POLR3C: variants seen among roughly 807,000 people sequenced by gnomAD.
POLR3C encodes DNA-directed RNA polymerase III subunit RPC3.
In POLR3C, 44 loss-of-function variants were observed where a neutral mutation model predicts 65.9. The observed-to-expected ratio is 0.67, with a 90% CI of 0.52 to 0.86. The LOEUF (loss-of-function observed/expected upper bound fraction) is 0.86. Among genes scored for constraint, POLR3C ranks in the 40% least tolerant of loss-of-function variants. The pLI, the probability that POLR3C is intolerant of heterozygous loss-of-function variation, is 0.00. For synonymous variants in POLR3C, 263 were observed against 231.6 expected (o/e 1.14, Z -1.23); for missense variants, 576 against 653.2 (o/e 0.88, Z 1.29).
At chr1:145,837,167 C>A (rs12143555) in intron 9 of POLR3C, among the ~76,000 whole-genome samples, 129,218 of 152,044 alleles carry the variant, frequency 0.85, 55,299 homozygotes, top group African/African-American at 0.95. Context: ...AACTAGCCAG[C>A]TGTAACGATG....
rs587679518 is a variant in POLR3C, at chr1:145,833,650, A to G, written c.876+68A>G. On this transcript the variant is annotated intron_variant, in intron 7 of 14. Transcript: ENST00000334163. ...GGTGTTATCAACGTTTATTATACAC[A>G]GATCCTGAGTTTGGGTTGAGGTCTG... The G allele has an allele frequency of 1.3e-5, 14 of 1,046,118 alleles. No homozygotes were observed. The South Asian group carries it at 1.5e-4, about 11-fold the overall frequency. 64.8% of individuals were successfully genotyped at this position (1,046,118 alleles called of 1,614,324 possible). A position where few individuals can be genotyped will look rare whatever the true frequency, so the allele number is the denominator to read the frequency against.
rs113067924 is a variant in POLR3C at position 145,837,846 on chromosome 1, A to G, written c.1071-210A>G. ...CAAATGTAGGAACTGTGGCACTCAAATGAGTCAGCAGTTGGTGACTGCCTT... is the reference window on the plus strand; with the variant it reads ...CAAATGTAGGAACTGTGGCACTCAAGTGAGTCAGCAGTTGGTGACTGCCTT... On this transcript the variant is annotated intron_variant, in intron 10 of 14. Coordinates refer to ENST00000334163, the MANE Select transcript of POLR3C (RefSeq NM_006468.8). 8.8e-3 allele frequency among the ~76,000 whole-genome samples: 1,333 copies of G among 152,298 alleles called. 20 individuals are homozygous for G. Among genetic ancestry groups the G allele is most frequent in the African/African-American group, 0.031 (1,271 of 41,572 alleles).
chr1:145,826,875 C>T lies in POLR3C; in HGVS notation c.459C>T (p.Asp153=). 6.2e-7 allele frequency: 1 copy of T among 1,612,908 alleles called. No individual in the cohort carries two copies. The highest frequency in any genetic ancestry group is 8.5e-7 in the Non-Finnish European group (1 of 1,179,536). ...EVSNTFVRLA[D]THFVQRCPSV... ...CAAACACATTTGTGCGACTGGCAGACACACACTTTGTACAACGCTGCCCTT... is the reference window on the plus strand; with the variant it reads ...CAAACACATTTGTGCGACTGGCAGATACACACTTTGTACAACGCTGCCCTT... Residue 153 remains aspartate, a synonymous_variant, in exon 4 of 15, where the codon GAC becomes GAT. Transcript: ENST00000334163.
intron 7 of POLR3C, among the ~76,000 whole-genome samples, chr1:145,836,119 CTT>C (rs77530377): frequency 1.1e-4 from 14 of 133,168 alleles, no homozygotes; most frequent in South Asian, 2.4e-4. Context: ...AAAATTAAAA[CTT>C]TTTTTTTTTT....
intron 7 of POLR3C, among the ~76,000 whole-genome samples, chr1:145,836,030 T>G (rs962876259): frequency 4.6e-5 from 7 of 152,278 alleles, no homozygotes; most frequent in Middle Eastern, 3.4e-3. Context: ...TACTCGGTAC[T>G]GGTCATTTGG....
intron 7 of POLR3C, among the ~76,000 whole-genome samples, chr1:145,834,970 G>A (rs1339250022): frequency 4.8e-5 from 7 of 146,254 alleles, no homozygotes; most frequent in Non-Finnish European, 3.1e-5. Context: ...CAAGACCCCC[G>A]TCTCTACAAA....
chr1:145,830,125 T>C (rs1553726771), intron 5 of POLR3C, among the ~76,000 whole-genome samples: 1 of 152,080 alleles, frequency 6.6e-6, no homozygotes, highest in African/African-American at 2.4e-5. Flanking sequence ...AGTCCAGTTA[T>C]ACTTACGTGC....
At chr1:145,824,417 A>AGACCACGTCC in intron 1 of POLR3C, 48 bp downstream of exon 1, 1 of 556,056 alleles carries the variant, frequency 1.8e-6, no homozygotes, top group Admixed American at 2.4e-5. Flanking sequence ...CTGGACCAAG[A>AGACCACGTCC]GACCACGTCC....
At chr1:145,827,281 T>C (rs916189346) in intron 4 of POLR3C, among the ~76,000 whole-genome samples, 2 of 152,194 alleles carry the variant, frequency 1.3e-5, no homozygotes, top group South Asian at 4.1e-4. Context: ...GAGACATGCA[T>C]TAATCAGAAA....
Position 145,826,948 on chromosome 1 carries a change from C to T in POLR3C, c.532C>T (p.Pro178Ser), listed in dbSNP as rs1650806918. Residue 178 changes from proline (P) to serine (S), a missense_variant, in exon 4 of 15, where the codon CCC (proline) becomes TCC (serine). Transcript: ENST00000334163. ...AGACCCTGGGCCACCACCACCTGCC[C>T]CCACACTTGTCATTAATGAAAAGGA... ...NSDPGPPPPA[P>S]TLVINEKDMY... The T allele has an allele frequency of 1.9e-6, 3 of 1,613,248 alleles. No homozygotes were observed. Among genetic ancestry groups the T allele is most frequent in the Non-Finnish European group, 1.7e-6 (2 of 1,179,814 alleles).
intron 7 of POLR3C, among the ~76,000 whole-genome samples, chr1:145,833,947 A>G (rs1651562744): frequency 6.6e-6 from 1 of 152,214 alleles, no homozygotes; most frequent in Non-Finnish European, 1.5e-5. Context: ...TATTACTTTC[A>G]TAGTAATACA....
chr1:145,842,502 G>T lies in POLR3C; in HGVS notation c.*82G>T. On this transcript the variant is annotated 3_prime_UTR_variant, in exon 15 of 15. Coordinates refer to ENST00000334163, the MANE Select transcript of POLR3C (RefSeq NM_006468.8). ...GGTGCCTGGATGCATTATTTGCAGT[G>T]GGATAAGTCGCAGAGTCTTCAACTA... 1.1e-6 allele frequency: 1 copy of T among 919,452 alleles called. No individual in the cohort carries two copies. Among genetic ancestry groups the T allele is most frequent in the South Asian group, 1.3e-5 (1 of 76,892 alleles). The allele number at this position is 919,452 out of a possible 1,614,324, so 57.0% of individuals were successfully genotyped here. A position where few individuals can be genotyped will look rare whatever the true frequency, so the allele number is the denominator to read the frequency against.
intron 5 of POLR3C, among the ~76,000 whole-genome samples, chr1:145,832,971 G>C (rs888906603): frequency 6.6e-6 from 1 of 152,032 alleles, no homozygotes; most frequent in Non-Finnish European, 1.5e-5. Flanking sequence ...GCAGTGAGCC[G>C]AGATCATGCC....
chr1:145,827,045 T>A (rs1553726019), intron 4 of POLR3C, 40 bp downstream of exon 4: 1 of 1,407,310 alleles, frequency 7.1e-7, no homozygotes, highest in South Asian at 1.2e-5. Context: ...CTTGCCTTAA[T>A]TGTGGATTCT....
chr1:145,843,380 T>G lies in POLR3C; in HGVS notation c.*960T>G, dbSNP rs1203257072. On this transcript the variant is annotated 3_prime_UTR_variant, in exon 15 of 15. Coordinates refer to ENST00000334163, the MANE Select transcript of POLR3C (RefSeq NM_006468.8). ...AATTCATTTAAAGCAGTTAGATGTTTTATAATATCTTCAGTTTTCTCTCAC... is the reference window on the plus strand; with the variant it reads ...AATTCATTTAAAGCAGTTAGATGTTGTATAATATCTTCAGTTTTCTCTCAC... Among the ~76,000 whole-genome samples, 1 of 140,694 alleles carries G rather than the reference T, an allele frequency of 7.1e-6. No homozygotes were observed. The highest frequency in any genetic ancestry group is 1.6e-5 in the Non-Finnish European group (1 of 63,712). The allele number at this position is 140,694 out of a possible 152,430, so 92.3% of individuals were successfully genotyped here. A position where few individuals can be genotyped will look rare whatever the true frequency, so the allele number is the denominator to read the frequency against.
At chr1:145,840,549 AAT>A in intron 13 of POLR3C, 9 of 257,748 alleles carry the variant, frequency 3.5e-5, no homozygotes, top group Non-Finnish European at 4.5e-5. Context: ...CAAAAAAAAA[AAT>A]TTTTTTTTTG....
rs782152577 is a variant in POLR3C at position 145,840,175 on chromosome 1, A to T, written c.1373+10A>T. The stretch of plus-strand genomic sequence containing the variant: ...AAACCAAAGAGAATAAGTAAGTAAC[A>T]TTTTCAGTTGAGTTATTTACATCTT... On this transcript the variant is annotated intron_variant, in intron 13 of 14. Coordinates refer to ENST00000334163, the MANE Select transcript of POLR3C (RefSeq NM_006468.8). 5.9e-6 allele frequency: 9 copies of T among 1,537,224 alleles called. No homozygotes were observed. The highest frequency in any genetic ancestry group is 2.2e-5 in the South Asian group (2 of 89,456).
chr1:145,840,046 T>C, intron 12 of POLR3C, 55 bp downstream of exon 12: 1 of 1,486,384 alleles, frequency 6.7e-7, no homozygotes, highest in Non-Finnish European at 9.4e-7. Context: ...GTACCCCTCA[T>C]GTGCCCACTT....
chr1:145,825,084 C>T (rs1650598720), intron 1 of POLR3C, among the ~76,000 whole-genome samples: 1 of 151,828 alleles, frequency 6.6e-6, no homozygotes, highest in East Asian at 1.9e-4. Context: ...GCTTCTGTCA[C>T]TTAATATATT....
Sources: gnomAD v4.1 joint callset for allele counts (sites outside exome capture counted in the v4.1 genomes callset) on GRCh38, gnomAD v4.1.1 for gene constraint, MANE v1.5 for transcripts, NCBI Gene and HGNC (gene_info 2026-07-23, HGNC 2026-07-21) for gene names.